Variants in SH3RF3 observed in about 807,000 individuals in gnomAD.
SH3RF3 encodes the protein SH3 domain containing ring finger 3.
In SH3RF3, 29 loss-of-function variants were observed where a neutral mutation model predicts 66.3. That is an observed-to-expected ratio of 0.44 (90% CI 0.33 to 0.60). SH3RF3 has a LOEUF of 0.60. Ranked by LOEUF, SH3RF3 falls within the 20% of genes least tolerant of loss-of-function variation. The probability of loss-of-function intolerance (pLI) is 0.04; values close to 1 mark genes in which losing one functional copy is unlikely to be tolerated. For synonymous variants in SH3RF3, 583 were observed against 532.0 expected (o/e 1.10, Z -1.32); for missense variants, 1,194 against 1,190.9 (o/e 1.00, Z -0.04).
intron 1 of SH3RF3, among the ~76,000 whole-genome samples, chr2:109,326,925 C>G (rs770757166): frequency 7.9e-5 from 12 of 152,204 alleles, no homozygotes; most frequent in Non-Finnish European, 1.6e-4. Flanking sequence ...CTCTACCATT[C>G]GGTTCCAGTT....
intron 1 of SH3RF3, among the ~76,000 whole-genome samples, chr2:109,142,129 G>A (rs1051339816): frequency 1.3e-5 from 2 of 151,942 alleles, no homozygotes; most frequent in Admixed American, 1.3e-4. Context: ...CACCTACCGG[G>A]TGGGGTCCCT....
intron 1 of SH3RF3, among the ~76,000 whole-genome samples, chr2:109,147,845 A>G (rs895074163): frequency 1.3e-5 from 2 of 152,258 alleles, no homozygotes; most frequent in East Asian, 1.9e-4. Context: ...ATGAGTATGC[A>G]TATGCATTTC....
chr2:109,488,652 TC>T (rs1679045084), intron 8 of SH3RF3, among the ~76,000 whole-genome samples: 1 of 152,304 alleles, frequency 6.6e-6, no homozygotes, highest in East Asian at 1.9e-4. Context: ...CGATGTGTGT[TC>T]CTGGGAACAC....
chr2:109,253,941 T>A (rs920110802), intron 1 of SH3RF3, among the ~76,000 whole-genome samples: 2 of 152,064 alleles, frequency 1.3e-5, no homozygotes, highest in African/African-American at 4.8e-5. Context: ...CTTCCACAGC[T>A]CTTAAGGCTG....
chr2:109,218,516 A>G (rs961192711), intron 1 of SH3RF3, among the ~76,000 whole-genome samples: 1 of 152,228 alleles, frequency 6.6e-6, no homozygotes, highest in African/African-American at 2.4e-5. Flanking sequence ...AGCAGATGGA[A>G]GGGTGTGTGG....
intron 8 of SH3RF3, among the ~76,000 whole-genome samples, chr2:109,466,072 C>CTTTTTTTTTTT (rs1171998206): frequency 2.4e-5 from 2 of 82,334 alleles, no homozygotes; most frequent in African/African-American, 4.4e-5. Context: ...ACCTGTACAT[C>CTTTTTTTTTTT]TTTTTTTTTT....
At chr2:109,436,785 C>G in intron 6 of SH3RF3, 108 bp from the exon 7 acceptor site, 1 of 1,464,198 alleles carries the variant, frequency 6.8e-7, no homozygotes, top group South Asian at 1.4e-5. Flanking sequence ...GATCAGTTGG[C>G]CTTCATCTCT....
chr2:109,329,985 A>C (rs999423486), intron 1 of SH3RF3, among the ~76,000 whole-genome samples: 1 of 152,242 alleles, frequency 6.6e-6, no homozygotes, highest in African/African-American at 2.4e-5. Context: ...CAGTTTGACT[A>C]GCATTGAGAG....
chr2:109,312,744 T>G (rs1354362889), intron 1 of SH3RF3, among the ~76,000 whole-genome samples: 7 of 152,236 alleles, frequency 4.6e-5, no homozygotes, highest in Non-Finnish European at 7.3e-5. Flanking sequence ...CTGTATGGTA[T>G]TTCCACATTT....
At chr2:109,386,964 T>A (rs1414185040) in intron 3 of SH3RF3, among the ~76,000 whole-genome samples, 1 of 152,308 alleles carries the variant, frequency 6.6e-6, no homozygotes, top group East Asian at 1.9e-4. Context: ...TTGTTTCTAA[T>A]GACTTTTTCT....
At chr2:109,389,724 T>C (rs4129774) in intron 3 of SH3RF3, among the ~76,000 whole-genome samples, 79,114 of 151,928 alleles carry the variant, frequency 0.52, 21,056 homozygotes, top group South Asian at 0.61. Context: ...ATATATTATT[T>C]GGTCCACTAG....
chr2:109,161,662 C>T (rs1021288524), intron 1 of SH3RF3, among the ~76,000 whole-genome samples: 1 of 151,686 alleles, frequency 6.6e-6, no homozygotes, highest in Non-Finnish European at 1.5e-5. Context: ...TTGTGGAAGG[C>T]GAAGGGGAGC....
chr2:109,222,026 T>A (rs1235623143), intron 1 of SH3RF3, among the ~76,000 whole-genome samples: 3 of 149,760 alleles, frequency 2.0e-5, no homozygotes, highest in Non-Finnish European at 4.4e-5. Flanking sequence ...TTCAAAAGAA[T>A]GAAATCATGT....
intron 7 of SH3RF3, among the ~76,000 whole-genome samples, chr2:109,445,457 A>G (rs2104617821): frequency 6.6e-6 from 1 of 152,368 alleles, no homozygotes; most frequent in South Asian, 2.1e-4. Context: ...GATTACTTAC[A>G]TAGAAATGAA....
intron 5 of SH3RF3, among the ~76,000 whole-genome samples, chr2:109,422,597 AC>A (rs1187955308): frequency 6.8e-5 from 7 of 103,540 alleles, no homozygotes; most frequent in Non-Finnish European, 2.1e-5. Context: ...CCCCCTTTCC[AC>A]CCCCTGCTGT....
chr2:109,236,492 T>G (rs1679653416), intron 1 of SH3RF3, among the ~76,000 whole-genome samples: 1 of 152,198 alleles, frequency 6.6e-6, no homozygotes, highest in Non-Finnish European at 1.5e-5. Flanking sequence ...AAAGGTGGTC[T>G]TCTTGGGTCA....
intron 8 of SH3RF3, among the ~76,000 whole-genome samples, chr2:109,458,445 C>T (rs1678118722): frequency 1.3e-5 from 2 of 152,078 alleles, no homozygotes; most frequent in African/African-American, 2.4e-5. Flanking sequence ...TTACAACTCC[C>T]CTAGACTTCA....
chr2:109,304,450 G>A (rs888385201), intron 1 of SH3RF3, among the ~76,000 whole-genome samples: 2 of 152,034 alleles, frequency 1.3e-5, no homozygotes, highest in Non-Finnish European at 2.9e-5. Context: ...GTTGCCCCAC[G>A]TTGTCTGCTA....
chr2:109,201,468 C>A (rs1480126665), intron 1 of SH3RF3, among the ~76,000 whole-genome samples: 1 of 152,184 alleles, frequency 6.6e-6, no homozygotes, highest in Non-Finnish European at 1.5e-5. Flanking sequence ...TCCCACCTCT[C>A]TCTCTCTTAT....
Sources: allele counts gnomAD v4.1 joint callset (sites outside exome capture counted in the v4.1 genomes callset), GRCh38; gene constraint gnomAD v4.1.1; transcripts MANE v1.5; gene names NCBI Gene and HGNC (gene_info 2026-07-23, HGNC 2026-07-21).